VEGFB: variants seen among roughly 807,000 people sequenced by gnomAD.
VEGFB encodes the protein vascular endothelial growth factor B.
VEGFB carries 24 observed loss-of-function variants against 22.5 expected under a neutral mutation model. That is an observed-to-expected ratio of 1.07 (90% confidence interval 0.77 to 1.50). VEGFB has a LOEUF of 1.50. Ranked by LOEUF, VEGFB falls within the 40% of genes most tolerant of loss-of-function variation. The pLI is 0.00. For synonymous variants in VEGFB, 141 were observed against 117.4 expected (o/e 1.20, Z -1.30); for missense variants, 327 against 287.8 (o/e 1.14, Z -0.99).
chr11:64,237,113 GA>G (rs1240185992), intron 4 of VEGFB, 73 bp from the exon 5 acceptor site: 1 of 687,788 alleles, frequency 1.5e-6, no homozygotes, highest in Non-Finnish European at 2.3e-6. Flanking sequence ...GAGAGAGAGA[GA>G]GAGAGAGAGT....
At chr11:64,237,897 G>A in intron 6 of VEGFB, 1 of 517,536 alleles carries the variant, frequency 1.9e-6, no homozygotes, top group East Asian at 3.0e-5. Flanking sequence ...GCTGTGGTGA[G>A]GGGTACCTGG....
Position 64,238,495 on chromosome 11 carries a change from G to A in VEGFB, c.*162G>A. 7.6e-7 allele frequency: 1 copy of A among 1,317,174 alleles called. No homozygotes were observed. Among genetic ancestry groups the A allele is most frequent in the Non-Finnish European group, 1.1e-6 (1 of 950,940 alleles). The allele number at this position is 1,317,174 out of a possible 1,614,324, so 81.6% of individuals were successfully genotyped here. ...CCCCAAGACCTCAGCCCAGGCAGAA[G>A]CTGCTCTAGGACCTGGGCCTCTCAG... On this transcript the variant is annotated 3_prime_UTR_variant, in exon 7 of 7. Coordinates refer to ENST00000309422, the MANE Select transcript of VEGFB (RefSeq NM_003377.5).
intron 4 of VEGFB, 25 bp from the exon 5 acceptor site, chr11:64,237,162 T>G (rs2030150923): frequency 6.3e-7 from 1 of 1,578,294 alleles, no homozygotes; most frequent in East Asian, 2.3e-5. Context: ...CTTGTTTGTC[T>G]GTGTCTGTCT....
At chr11:64,235,785 G>A (rs2029960350) in intron 2 of VEGFB, 28 bp from the exon 3 acceptor site, 4 of 1,612,516 alleles carry the variant, frequency 2.5e-6, no homozygotes, top group Non-Finnish European at 3.4e-6. Flanking sequence ...AACCAGTGAG[G>A]ACTTAACCCC....
intron 4 of VEGFB, 99 bp downstream of exon 4, chr11:64,236,426 A>G: frequency 8.0e-7 from 1 of 1,255,444 alleles, no homozygotes; most frequent in South Asian, 1.3e-5. Flanking sequence ...CTAAGAGTAG[A>G]ACCAAGGGGC....
At position 64,238,355 on chromosome 11, in the gene VEGFB, G is replaced by A; in HGVS notation, c.*23-1G>A. The stretch of plus-strand genomic sequence containing the variant: ...GAACAGATCACTTCCTCCCTCCTCA[G>A]GTGCCGGAAGCTGCGAAGGTGACAC... On this transcript the variant is annotated splice_acceptor_variant, in intron 6 of 6. Coordinates refer to ENST00000309422, the MANE Select transcript of VEGFB (RefSeq NM_003377.5). LOFTEE classifies it low-confidence loss of function (3UTR_SPLICE). 6.5e-7 allele frequency: 1 copy of A among 1,536,172 alleles called. No individual in the cohort carries two copies. Among genetic ancestry groups the A allele is most frequent in the Non-Finnish European group, 8.7e-7 (1 of 1,146,872 alleles).
intron 4 of VEGFB, 102 bp downstream of exon 4, chr11:64,236,429 C>T (rs1326476981): frequency 1.6e-6 from 2 of 1,217,026 alleles, no homozygotes; most frequent in African/African-American, 1.5e-5. Context: ...AGAGTAGAAC[C>T]AAGGGGCCGG....
rs751818352 is a variant in VEGFB at position 64,235,835 on chromosome 11, T to C, written c.126T>C (p.Tyr42=). Residue 42 remains tyrosine (Y), a synonymous_variant, in exon 3 of 7, where the codon TAT becomes TAC. Transcript: ENST00000309422. ...QRKVVSWIDV[Y]TRATCQPREV... is the part of the protein sequence containing the mutation. ...CAGTGGTGTCATGGATAGATGTGTA[T>C]ACTCGCGCTACCTGCCAGCCCCGGG... 7.4e-6 allele frequency: 12 copies of C among 1,613,832 alleles called. No homozygotes were observed. The highest frequency in any genetic ancestry group is 3.3e-4 in the Middle Eastern group (2 of 6,084).
intron 2 of VEGFB, 87 bp from the exon 3 acceptor site, chr11:64,235,726 C>T: frequency 6.6e-7 from 1 of 1,510,662 alleles, no homozygotes. Flanking sequence ...TGGAGGGTGG[C>T]TGTGACTTGG....
At position 64,234,889 on chromosome 11, in the gene VEGFB, C is replaced by G; in HGVS notation, c.56C>G (p.Ala19Gly). 1 of 1,306,410 alleles carries G rather than the reference C, an allele frequency of 7.7e-7. No individual in the cohort carries two copies. Among genetic ancestry groups the G allele is most frequent in the Non-Finnish European group, 9.8e-7 (1 of 1,024,622 alleles). 80.9% of individuals were successfully genotyped at this position (1,306,410 alleles called of 1,614,324 possible). A position where few individuals can be genotyped will look rare whatever the true frequency, so the allele number is the denominator to read the frequency against. ...LLAALLQLAP[A>G]QAPVSQPDAP... Reference sequence around the variant, plus strand: ...GCCGCACTCCTGCAGCTGGCCCCCGCCCAGGTACGTGCGGCCCGACAGCGC... The same window carrying G: ...GCCGCACTCCTGCAGCTGGCCCCCGGCCAGGTACGTGCGGCCCGACAGCGC... Residue 19 changes from alanine to glycine, a missense_variant, in exon 1 of 7, where the codon GCC (alanine) becomes GGC (glycine). By Grantham distance (60) the Ala-to-Gly change is moderately conservative. Transcript: ENST00000309422. The surrounding 1 kb of genome is among the most constrained non-coding windows in gnomAD (Gnocchi z 5.3).
At chr11:64,236,396 C>T (rs1591079949) in intron 4 of VEGFB, 69 bp downstream of exon 4, 4 of 1,492,486 alleles carry the variant, frequency 2.7e-6, no homozygotes, top group Non-Finnish European at 2.8e-6. Context: ...TGGTGGTCCA[C>T]AGAACTGGGG....
intron 3 of VEGFB, 117 bp from the exon 4 acceptor site, chr11:64,236,137 G>T (rs560043323): frequency 7.2e-6 from 11 of 1,535,006 alleles, no homozygotes; most frequent in African/African-American, 6.8e-5. Flanking sequence ...GACAGGGTTG[G>T]GGGGAGGGCT....
rs113718618 is a variant in VEGFB at position 64,237,225 on chromosome 11, G to A, written c.410+3G>A. On this transcript the variant is annotated splice_donor_region_variant and intron_variant, in intron 5 of 6. Coordinates refer to ENST00000309422, the MANE Select transcript of VEGFB (RefSeq NM_003377.5). Reference sequence around the variant, plus strand: ...GACAGTGCTGTGAAGCCAGACAGGTGAGTCTTTTGGACTCCAGCTGAGTAG... The same window carrying A: ...GACAGTGCTGTGAAGCCAGACAGGTAAGTCTTTTGGACTCCAGCTGAGTAG... 6.2e-7 allele frequency: 1 copy of A among 1,608,708 alleles called. No homozygotes were observed. Among genetic ancestry groups the A allele is most frequent in the South Asian group, 1.1e-5 (1 of 90,536 alleles).
At chr11:64,237,150 CTCT>C (rs2030148741) in intron 4 of VEGFB, 34 bp from the exon 5 acceptor site, 1 of 1,507,918 alleles carries the variant, frequency 6.6e-7, no homozygotes. Flanking sequence ...CCTGATCTTC[CTCT>C]TGTTTGTCTG....
In VEGFB at chr11:64,237,169, G is replaced by C. The variant is rs756627614; in HGVS notation, c.375-18G>C. On this transcript the variant is annotated intron_variant, in intron 4 of 6. Coordinates refer to ENST00000309422, the MANE Select transcript of VEGFB (RefSeq NM_003377.5). ...ATCTTCCTCTTGTTTGTCTGTGTCT[G>C]TCTATCTTACTTTTCAGACCTAAAA... 6.3e-6 allele frequency: 10 copies of C among 1,595,648 alleles called. No homozygotes were observed. The East Asian group carries it at 1.8e-4, about 29-fold the overall frequency.
At chr11:64,236,636 G>A (rs1314666338) in intron 4 of VEGFB, among the ~76,000 whole-genome samples, 3 of 145,052 alleles carry the variant, frequency 2.1e-5, no homozygotes, top group African/African-American at 7.6e-5. Context: ...AGAATGGCAT[G>A]AACCTGGGAG....
rs1344459484 is a variant in VEGFB at position 64,237,079 on chromosome 11, GTC to G, written c.375-105_375-104del. ...GCCTGGGCAAGAAGAGGGAAACACA[GTC>G]TCAAAGAGAGAGAGAGAGAGAGAGA... On this transcript the variant is annotated intron_variant, in intron 4 of 6. Coordinates refer to ENST00000309422, the MANE Select transcript of VEGFB (RefSeq NM_003377.5). The G allele has an allele frequency of 1.2e-3, 957 of 819,458 alleles. 168 individuals are homozygous for G. Among genetic ancestry groups the G allele is most frequent in the East Asian group, 3.6e-3 (110 of 30,268 alleles). The allele number at this position is 819,458 out of a possible 1,614,324, so 50.8% of individuals were successfully genotyped here.
intron 6 of VEGFB, 126 bp from the exon 7 acceptor site, chr11:64,238,230 G>A: frequency 8.1e-7 from 1 of 1,240,528 alleles, no homozygotes. Context: ...GCAGCCTCCA[G>A]TGCCCAGGGC....
chr11:64,237,438 C>G lies in VEGFB; in HGVS notation c.429C>G (p.His143Gln), dbSNP rs201009063. 1 of 1,596,596 alleles carries G rather than the reference C, an allele frequency of 6.3e-7. No individual in the cohort carries two copies. Among genetic ancestry groups the G allele is most frequent in the East Asian group, 2.3e-5 (1 of 44,404 alleles). ...VKPDRAATPHHRPQPRSVPGW... is the reference protein window; with the variant it reads ...VKPDRAATPHQRPQPRSVPGW... ...TCCCTAGGGCTGCCACTCCCCACCA[C>G]CGTCCCCAGCCCCGTTCTGTTCCGG... Residue 143 changes from histidine to glutamine, a missense_variant, in exon 6 of 7, where the codon CAC (histidine) becomes CAG (glutamine). Transcript: ENST00000309422.
Sources: allele counts gnomAD v4.1 joint callset (sites outside exome capture counted in the v4.1 genomes callset), GRCh38; gene constraint gnomAD v4.1.1; non-coding constraint Gnocchi (gnomAD v3.1); transcripts MANE v1.5; gene names NCBI Gene and HGNC (gene_info 2026-07-23, HGNC 2026-07-21).